KIF6: variants seen among roughly 807,000 people sequenced by gnomAD.
KIF6 encodes kinesin family member 6.
A neutral mutation model predicts 112.7 loss-of-function variants in KIF6; 106 were observed. The ratio of observed to expected loss-of-function variants is 0.94; its 90% CI spans 0.80 to 1.11. The LOEUF (loss-of-function observed/expected upper bound fraction) is 1.11. KIF6 is among the 50% of genes least tolerant of loss of function. KIF6 has a pLI of 0.00. For synonymous variants in KIF6, 339 were observed against 339.9 expected (o/e 1.00, Z 0.03); for missense variants, 929 against 964.0 (o/e 0.96, Z 0.48).
chr6:39,645,803 A>C (rs1785139135), intron 3 of KIF6, among the ~76,000 whole-genome samples: 1 of 152,156 alleles, frequency 6.6e-6, no homozygotes, highest in South Asian at 2.1e-4. Context: ...AAAAATGATG[A>C]GTTCATGTCC....
At chr6:39,522,382 G>A (rs78338571) in intron 13 of KIF6, among the ~76,000 whole-genome samples, 1 of 152,212 alleles carries the variant, frequency 6.6e-6, no homozygotes, top group East Asian at 1.9e-4. Context: ...CAGCCAACCT[G>A]GGCTCCTGGT....
At chr6:39,398,343 C>G (rs1009358066) in intron 15 of KIF6, among the ~76,000 whole-genome samples, 1 of 152,168 alleles carries the variant, frequency 6.6e-6, no homozygotes, top group Admixed American at 6.5e-5. Context: ...TAATCCTCAT[C>G]GAAGCAGAAG....
chr6:39,482,006 G>GCACACACACACACACACA (rs143093562), intron 13 of KIF6, among the ~76,000 whole-genome samples: 6 of 141,244 alleles, frequency 4.2e-5, no homozygotes, highest in South Asian at 4.7e-4. Context: ...GGACCTTTAG[G>GCACACACACACACACACA]CACACACACA....
chr6:39,604,423 C>T (rs1188696894), intron 6 of KIF6, among the ~76,000 whole-genome samples: 1 of 152,144 alleles, frequency 6.6e-6, no homozygotes, highest in Non-Finnish European at 1.5e-5. Context: ...AAACACCTAC[C>T]TTGAACTTTT....
intron 3 of KIF6, among the ~76,000 whole-genome samples, chr6:39,669,054 A>T (rs939731528): frequency 7.2e-5 from 11 of 152,212 alleles, no homozygotes; most frequent in Admixed American, 2.0e-4. Context: ...ATACCTGTAC[A>T]GCCATTTGAT....
intron 6 of KIF6, among the ~76,000 whole-genome samples, chr6:39,599,094 T>A (rs1228765551): frequency 6.6e-6 from 1 of 152,186 alleles, no homozygotes; most frequent in Non-Finnish European, 1.5e-5. Flanking sequence ...AAATCCTGGA[T>A]TGGAAAACAT....
At chr6:39,372,403 T>C (rs1766085779) in intron 16 of KIF6, among the ~76,000 whole-genome samples, 1 of 152,224 alleles carries the variant, frequency 6.6e-6, no homozygotes, top group South Asian at 2.1e-4. Context: ...TTTTCTGTTT[T>C]CACCTTTAAG....
intron 13 of KIF6, among the ~76,000 whole-genome samples, chr6:39,528,919 T>C (rs1372034055): frequency 6.6e-6 from 1 of 152,122 alleles, no homozygotes; most frequent in Non-Finnish European, 1.5e-5. Flanking sequence ...TATCCAAAGC[T>C]ATCATGAGTA....
Position 39,683,046 on chromosome 6 carries a change from C to A in KIF6, c.251+31646G>T, listed in dbSNP as rs1304478424. Among the ~76,000 whole-genome samples the A allele has an allele frequency of 2.6e-5, 4 of 152,286 alleles. No individual in the cohort carries two copies. In the East Asian group the frequency reaches 7.7e-4, roughly 29 times the overall value. On this transcript the variant is annotated intron_variant, in intron 3 of 22. Coordinates refer to ENST00000287152, the MANE Select transcript of KIF6 (RefSeq NM_145027.6). ...TAGGAAACAAAAGAAAGCTGCTGAG[C>A]CTGGGCAAAGGAAAGGAAAAGGTAG...
intron 13 of KIF6, among the ~76,000 whole-genome samples, chr6:39,436,852 CT>C: frequency 6.6e-6 from 1 of 151,884 alleles, no homozygotes; most frequent in East Asian, 1.9e-4. Flanking sequence ...TATTCAGGCT[CT>C]TTTTTTGGTT....
intron 3 of KIF6, among the ~76,000 whole-genome samples, chr6:39,711,138 A>T (rs953154041): frequency 6.6e-6 from 1 of 150,780 alleles, no homozygotes. Context: ...CCATGTGATG[A>T]CCCTTGAATC....
chr6:39,567,694 G>A (rs1035270081), intron 10 of KIF6, among the ~76,000 whole-genome samples: 8 of 151,088 alleles, frequency 5.3e-5, no homozygotes, highest in South Asian at 2.1e-4. Context: ...TCCAAGCTCC[G>A]CCTCTTGGGT....
chr6:39,442,937 C>T (rs1772013872), intron 13 of KIF6, among the ~76,000 whole-genome samples: 1 of 151,748 alleles, frequency 6.6e-6, no homozygotes, highest in Non-Finnish European at 1.5e-5. Flanking sequence ...CACGGTGAAA[C>T]CTCGTCTCTA....
intron 3 of KIF6, among the ~76,000 whole-genome samples, chr6:39,701,892 T>C (rs957944316): frequency 6.6e-6 from 1 of 152,242 alleles, no homozygotes; most frequent in Non-Finnish European, 1.5e-5. Context: ...ACATTCAATA[T>C]GAACTCAAAA....
intron 13 of KIF6, among the ~76,000 whole-genome samples, chr6:39,460,536 T>TAAAAAAAAAAAAAGAA: frequency 1.8e-5 from 1 of 57,078 alleles, no homozygotes; most frequent in Non-Finnish European, 3.2e-5. Flanking sequence ...AAAAAAAAAG[T>TAAAAAAAAAAAAAGAA]AAAAAAAAAA....
chr6:39,695,639 T>C (rs1788489662), intron 3 of KIF6, among the ~76,000 whole-genome samples: 1 of 152,144 alleles, frequency 6.6e-6, no homozygotes, highest in Admixed American at 6.5e-5. Context: ...TATTAAAAAG[T>C]CAGAAAATAA....
At chr6:39,703,254 T>A (rs1788986906) in intron 3 of KIF6, among the ~76,000 whole-genome samples, 1 of 151,994 alleles carries the variant, frequency 6.6e-6, no homozygotes, top group South Asian at 2.1e-4. Flanking sequence ...TTAGCAAGGA[T>A]GATTTCAATG....
At chr6:39,348,958 C>T (rs9462536) in intron 19 of KIF6, among the ~76,000 whole-genome samples, 10,186 of 152,240 alleles carry the variant, frequency 0.067, 519 homozygotes, top group Middle Eastern at 0.15. Context: ...GTGACCGTGT[C>T]GGAGGGACCT....
intron 10 of KIF6, among the ~76,000 whole-genome samples, chr6:39,567,829 G>A (rs1027569809): frequency 1.3e-5 from 2 of 152,080 alleles, no homozygotes; most frequent in African/African-American, 2.4e-5. Flanking sequence ...GGATGGTCTC[G>A]ATCTCCTGAC....
Sources: gnomAD v4.1 joint callset for allele counts (sites outside exome capture counted in the v4.1 genomes callset) on GRCh38, gnomAD v4.1.1 for gene constraint, MANE v1.5 for transcripts, NCBI Gene and HGNC (gene_info 2026-07-23, HGNC 2026-07-21) for gene names.